The following EFCC1 variants were observed in gnomAD, a reference collection of about 807,000 sequenced individuals.
EFCC1 encodes EF-hand and coiled-coil domain containing 1, also known as EF-hand and coiled-coil domain-containing protein 1.
A neutral mutation model predicts 52.1 loss-of-function variants in EFCC1; 50 were observed. The observed-to-expected ratio is 0.96, with a 90% CI of 0.76 to 1.21. EFCC1 has a LOEUF of 1.21. Among genes scored for constraint, EFCC1 ranks in the 50% most tolerant of loss-of-function variants. The pLI is 0.00. For missense variants in EFCC1, 837 were observed against 867.3 expected, an observed-to-expected ratio of 0.97 and a Z score of 0.44; for synonymous variants, 399 against 396.5, an observed-to-expected ratio of 1.01 and a Z score of -0.08.
At chr3:129,018,451 T>C (rs190213539) in intron 2 of EFCC1, among the ~76,000 whole-genome samples, 1 of 152,390 alleles carries the variant, frequency 6.6e-6, no homozygotes, top group East Asian at 1.9e-4. Flanking sequence ...AATAAAGTTT[T>C]ATTGGAACAC....
At chr3:129,024,403 C>A (rs1946006492) in intron 2 of EFCC1, among the ~76,000 whole-genome samples, 1 of 151,948 alleles carries the variant, frequency 6.6e-6, no homozygotes, top group Non-Finnish European at 1.5e-5. Context: ...TGGTTGCACA[C>A]ACCTGTAGTC....
chr3:129,012,944 C>A (rs534469413), intron 2 of EFCC1, among the ~76,000 whole-genome samples: 49 of 152,246 alleles, frequency 3.2e-4, no homozygotes, highest in African/African-American at 1.1e-3. Flanking sequence ...GGATGGTTTT[C>A]TTTATTTAAG....
chr3:129,017,566 C>T (rs1229843682), intron 2 of EFCC1, among the ~76,000 whole-genome samples: 4 of 152,158 alleles, frequency 2.6e-5, no homozygotes, highest in South Asian at 2.1e-4. Flanking sequence ...ATTTCCTTGC[C>T]GGCTGTCAGC....
intron 2 of EFCC1, among the ~76,000 whole-genome samples, chr3:129,006,551 G>A (rs1329660221): frequency 6.6e-6 from 1 of 152,216 alleles, no homozygotes; most frequent in Non-Finnish European, 1.5e-5. Context: ...CCTGACCTCA[G>A]GTGATCTGCT....
At position 129,026,793 on chromosome 3, in the gene EFCC1, A is replaced by T. The variant is rs150398137; in HGVS notation, c.981-3910A>T. 6.2e-4 allele frequency among the ~76,000 whole-genome samples: 94 copies of T among 152,286 alleles called. 1 individual carries two copies. Among genetic ancestry groups the T allele is most frequent in the Middle Eastern group, 3.4e-3 (1 of 294 alleles). ...AACTATTATGACCTAAGCTGTAGTC[A>T]CGCGGTCTCACATTGAAGCAAGAAT... On this transcript the variant is annotated intron_variant, in intron 2 of 7. Coordinates refer to ENST00000683648, the MANE Select transcript of EFCC1 (RefSeq NM_001377500.1).
Position 129,002,121 on chromosome 3 carries a change from G to A in EFCC1, c.493G>A (p.Ala165Thr). Residue 165 changes from alanine to threonine, a missense_variant, in exon 1 of 8, where the codon GCT becomes ACT. Physicochemically the swap from Ala to Thr is moderately conservative, Grantham distance 58 (BLOSUM62 0). Coordinates refer to ENST00000683648, the MANE Select transcript of EFCC1 (RefSeq NM_001377500.1). ...TGCGGGGCCCCGGCTGCCCCGCGGC[G>A]CTCTCAGCGAGCACATCGAGACGCA... ...TRAGPRLPRG[A>T]LSEHIETQIR... 6.8e-7 allele frequency: 1 copy of A among 1,475,944 alleles called. No individual in the cohort carries two copies. Among genetic ancestry groups the A allele is most frequent in the African/African-American group, 1.5e-5 (1 of 67,536 alleles). The allele number at this position is 1,475,944 out of a possible 1,614,324, so 91.4% of individuals were successfully genotyped here.
rs1307099665 is a variant in EFCC1 at position 129,004,085 on chromosome 3, G to A, written c.980+8G>A. 4 of 1,488,202 alleles carry A rather than the reference G, an allele frequency of 2.7e-6. No homozygotes were observed. The highest frequency in any genetic ancestry group is 1.4e-5 in the African/African-American group (1 of 69,026). The allele number at this position is 1,488,202 out of a possible 1,614,324, so 92.2% of individuals were successfully genotyped here. ...GGAGCTGCAACGCTACAGGTGAGCG[G>A]GGGCGCGTGCCCTGGGCCCAAGTTC... On this transcript the variant is annotated splice_region_variant and intron_variant, in intron 2 of 7. Coordinates refer to ENST00000683648, the MANE Select transcript of EFCC1 (RefSeq NM_001377500.1).
In EFCC1 at chr3:129,039,900, C is replaced by A; in HGVS notation, c.*52C>A. The stretch of plus-strand genomic sequence containing the variant: ...CTGCTCAGCCTGACTGCCTTTGGAC[C>A]AGCCTCCATGATCAGCCCAACCACT... On this transcript the variant is annotated 3_prime_UTR_variant, in exon 8 of 8. Transcript: ENST00000683648. 2 of 1,540,836 alleles carry A rather than the reference C, an allele frequency of 1.3e-6. No homozygotes were observed. The highest frequency in any genetic ancestry group is 1.8e-6 in the Non-Finnish European group (2 of 1,138,342).
intron 6 of EFCC1, among the ~76,000 whole-genome samples, 158 bp from the exon 7 acceptor site, chr3:129,038,673 G>A (rs1946386205): frequency 6.6e-6 from 1 of 152,182 alleles, no homozygotes; most frequent in Non-Finnish European, 1.5e-5. Flanking sequence ...AGTGTGGCCA[G>A]CCTAGGGGTA....
chr3:129,002,491 TC>T, intron 1 of EFCC1, 167 bp downstream of exon 1: 1 of 1,301,548 alleles, frequency 7.7e-7, no homozygotes, highest in Non-Finnish European at 9.9e-7. Context: ...CCCCTGTTCC[TC>T]CCCATTCCAC....
Position 129,032,879 on chromosome 3 carries a change from T to C in EFCC1, c.1199T>C (p.Val400Ala). 2 of 1,550,870 alleles carry C rather than the reference T, an allele frequency of 1.3e-6. No individual in the cohort carries two copies. The highest frequency in any genetic ancestry group is 1.7e-6 in the Non-Finnish European group (2 of 1,146,790). Residue 400 changes from valine to alanine, a missense_variant, in exon 4 of 8, where the codon GTG (valine) becomes GCG (alanine). Val to Ala is a moderately conservative substitution (Grantham distance 64). Transcript: ENST00000683648. ...CAGGCCGCCTCTGACGAGGAGGAGGTGGAGGAGGAGAGGTGGCAGGAGGAG... is the reference window on the plus strand; with the variant it reads ...CAGGCCGCCTCTGACGAGGAGGAGGCGGAGGAGGAGAGGTGGCAGGAGGAG... ...EGQAASDEEEVEEERWQEEKK... is the reference protein window; with the variant it reads ...EGQAASDEEEAEEERWQEEKK...
At chr3:129,024,342 G>A (rs1158527610) in intron 2 of EFCC1, among the ~76,000 whole-genome samples, 1 of 151,988 alleles carries the variant, frequency 6.6e-6, no homozygotes, top group East Asian at 1.9e-4. Flanking sequence ...GACCCGCCTG[G>A]CCAACATGGT....
chr3:129,001,587 G>A lies in EFCC1; in HGVS notation c.-42G>A. 3.0e-6 allele frequency: 4 copies of A among 1,351,164 alleles called. No homozygotes were observed. The highest frequency in any genetic ancestry group is 3.8e-6 in the Non-Finnish European group (4 of 1,058,160). The allele number at this position is 1,351,164 out of a possible 1,614,324, so 83.7% of individuals were successfully genotyped here. A position where few individuals can be genotyped will look rare whatever the true frequency, so the allele number is the denominator to read the frequency against. ...GCCCCTGGAAGTGGCGGGGCGAAGG[G>A]ACCGGAGGAGGGACCGGAGGAGCGA... On this transcript the variant is annotated 5_prime_UTR_variant, in exon 1 of 8. Transcript: ENST00000683648.
intron 1 of EFCC1, chr3:129,003,329 G>A (rs1018036066): frequency 1.0e-6 from 1 of 973,718 alleles, no homozygotes; most frequent in African/African-American, 1.8e-5. Flanking sequence ...TTTGTTTTAG[G>A]CTCTGGGAAC....
intron 5 of EFCC1, among the ~76,000 whole-genome samples, chr3:129,034,602 G>A (rs1336274411): frequency 6.6e-6 from 1 of 152,160 alleles, no homozygotes; most frequent in East Asian, 1.9e-4. Flanking sequence ...CTGGGTCCAG[G>A]GACTCAGACC....
At chr3:129,004,653 A>G (rs1944990504) in intron 2 of EFCC1, among the ~76,000 whole-genome samples, 3 of 152,068 alleles carry the variant, frequency 2.0e-5, no homozygotes, top group Non-Finnish European at 4.4e-5. Flanking sequence ...GGATTCGATC[A>G]TAATGATAAT....
chr3:129,039,770 C>A lies in EFCC1; in HGVS notation c.1722C>A (p.Cys574Ter). The A allele has an allele frequency of 6.2e-7, 1 of 1,612,138 alleles. No homozygotes were observed. Among genetic ancestry groups the A allele is most frequent in the Non-Finnish European group, 8.5e-7 (1 of 1,178,926 alleles). The change falls in exon 8 of 8, where the codon TGC (cysteine) becomes TGA (stop). Residue 574 changes from cysteine to a stop codon, truncating the protein, a stop_gained. Coordinates refer to ENST00000683648, the MANE Select transcript of EFCC1 (RefSeq NM_001377500.1). LOFTEE classifies it low-confidence loss of function (END_TRUNC). ...CCCTGCACCAAGCCTTGGCTGCCTGCCAGCTGTTGCGGAGACAGCCCTCGG... is the reference window on the plus strand; with the variant it reads ...CCCTGCACCAAGCCTTGGCTGCCTGACAGCTGTTGCGGAGACAGCCCTCGG... ...LDALHQALAA[C>*]QLLRRQPSAP...
chr3:129,005,909 A>C (rs1435679900), intron 2 of EFCC1, among the ~76,000 whole-genome samples: 1 of 152,256 alleles, frequency 6.6e-6, no homozygotes, highest in Admixed American at 6.5e-5. Context: ...ATCCAAGAGG[A>C]GAAATAAAGG....
chr3:129,015,314 G>A (rs1023746414), intron 2 of EFCC1, among the ~76,000 whole-genome samples: 26 of 152,076 alleles, frequency 1.7e-4, no homozygotes, highest in African/African-American at 6.3e-4. Context: ...ACTCTTTAGG[G>A]AGGCCCCACC....
Sources: gnomAD v4.1 joint callset for allele counts (sites outside exome capture counted in the v4.1 genomes callset) on GRCh38, gnomAD v4.1.1 for gene constraint, MANE v1.5 for transcripts, NCBI Gene and HGNC (gene_info 2026-07-23, HGNC 2026-07-21) for gene names.